Variants in DNM1 observed in about 807,000 individuals in gnomAD.
DNM1 encodes dynamin 1, also known as dynamin-1.
A neutral mutation model predicts 104.6 loss-of-function variants in DNM1; 29 were observed. The ratio of observed to expected loss-of-function variants is 0.28; its 90% confidence interval spans 0.21 to 0.38. The LOEUF is 0.38. Among genes scored for constraint, DNM1 ranks in the 10% least tolerant of loss-of-function variants. The probability of loss-of-function intolerance (pLI) is 1.00; values close to 1 mark genes in which losing one functional copy is unlikely to be tolerated. For synonymous variants in DNM1, 445 were observed against 475.8 expected (o/e 0.94, Z 0.84); for missense variants, 640 against 1,189.4 (o/e 0.54, Z 6.79).
intron 1 of DNM1, among the ~76,000 whole-genome samples, chr9:128,217,448 C>T (rs1834680297): frequency 6.6e-6 from 1 of 152,086 alleles, no homozygotes; most frequent in Non-Finnish European, 1.5e-5. Flanking sequence ...TGGAGTTTTG[C>T]TCTTGTCGCC....
rs1305951708 is a variant in DNM1 at position 128,224,418 on chromosome 9, C to CCGCCT, written c.1335+31_1335+35dup. ...ACCCGGAGGCCCGGGCCAGCCCCCA[C>CCGCCT]CGCCTCTGCCCCGCCCTGCACTGCT... On this transcript the variant is annotated intron_variant, in intron 10 of 21. Transcript: ENST00000372923. This position sits in a 1 kb window ranked among gnomAD's most constrained non-coding sequence, Gnocchi z 4.3. 6.9e-6 allele frequency: 11 copies of CCGCCT among 1,596,322 alleles called. No homozygotes were observed. Among genetic ancestry groups the CCGCCT allele is most frequent in the Non-Finnish European group, 9.4e-6 (11 of 1,169,498 alleles).
At position 128,203,399 on chromosome 9, in the gene DNM1, G is replaced by A; in HGVS notation, c.-72G>A. On this transcript the variant is annotated 5_prime_UTR_variant, in exon 1 of 22. Transcript: ENST00000372923. This position sits in a 1 kb window ranked among gnomAD's most constrained non-coding sequence, Gnocchi z 5.3. ...CAGGCAGTCTGGGCGCGCGGCTGCA[G>A]CGGCGGAGCCGGAGTCGGAGCCGGG... is the stretch of plus-strand genomic sequence containing the variant. 7.6e-7 allele frequency: 1 copy of A among 1,320,138 alleles called. No homozygotes were observed. Among genetic ancestry groups the A allele is most frequent in the South Asian group, 1.8e-5 (1 of 54,374 alleles). The allele number at this position is 1,320,138 out of a possible 1,614,324, so 81.8% of individuals were successfully genotyped here.
At chr9:128,207,213 G>A (rs1588312764) in intron 1 of DNM1, among the ~76,000 whole-genome samples, 1 of 152,084 alleles carries the variant, frequency 6.6e-6, no homozygotes, top group East Asian at 1.9e-4. Context: ...AGCCTGAGAT[G>A]CCTGTTAGAC....
Position 128,220,204 on chromosome 9 carries a change from A to G in DNM1, c.712A>G (p.Ser238Gly). 6.2e-7 allele frequency: 1 copy of G among 1,614,132 alleles called. No homozygotes were observed. The highest frequency in any genetic ancestry group is 1.1e-5 in the South Asian group (1 of 91,076). The change falls in exon 6 of 22, where the codon AGC becomes GGC. Residue 238 changes from serine to glycine, a missense_variant. Physicochemically the swap from Ser to Gly is moderately conservative, Grantham distance 56. This residue lies in a region of DNM1 where 172 missense variants were observed against 335.3 expected (regional missense o/e 0.51). Transcript: ENST00000372923. This position sits in a 1 kb window ranked among gnomAD's most constrained non-coding sequence, Gnocchi z 5.2. ...RRGYIGVVNRSQKDIDGKKDI... is the reference protein window; with the variant it reads ...RRGYIGVVNRGQKDIDGKKDI... ...AGGCTACATTGGAGTGGTGAACCGGAGCCAGAAGGACATTGATGGCAAGAA... is the reference window on the plus strand; with the variant it reads ...AGGCTACATTGGAGTGGTGAACCGGGGCCAGAAGGACATTGATGGCAAGAA...
At chr9:128,207,136 C>T (rs986380702) in intron 1 of DNM1, among the ~76,000 whole-genome samples, 3 of 151,766 alleles carry the variant, frequency 2.0e-5, no homozygotes, top group Non-Finnish European at 4.4e-5. Context: ...TTAACAGAGT[C>T]GGGAAGAGTA....
At chr9:128,217,014 G>A (rs1302393525) in intron 1 of DNM1, among the ~76,000 whole-genome samples, 1 of 152,234 alleles carries the variant, frequency 6.6e-6, no homozygotes, top group Admixed American at 6.5e-5. Context: ...GGGTGGTGCA[G>A]AGGGAGGTGG....
In DNM1 at chr9:128,250,256, A is replaced by G. The variant is rs145381151; in HGVS notation, c.2218A>G (p.Ser740Gly). Residue 740 changes from serine to glycine, a missense_variant, in exon 20 of 22, where the codon AGC becomes GGC. Ser to Gly is a moderately conservative substitution (Grantham distance 56). Transcript: ENST00000372923. Reference protein sequence around the residue: ...RMYHALKEALSIIGDINTTTV... With the variant: ...RMYHALKEALGIIGDINTTTV... ...GTACCACGCACTGAAGGAGGCGCTC[A>G]GCATCATCGGCGACATCAACACGAC... is the stretch of plus-strand genomic sequence containing the variant. 1 of 1,613,956 alleles carries G rather than the reference A, an allele frequency of 6.2e-7. No individual in the cohort carries two copies. Among genetic ancestry groups the G allele is most frequent in the African/African-American group, 1.3e-5 (1 of 75,064 alleles).
Position 128,218,974 on chromosome 9 carries a change from A to G in DNM1, c.386-75A>G, listed in dbSNP as rs1434835583. ...ACCCTGCTCCCAAGCAGCTTCTCTAACCCCGCCCTATTCTTTAACCTCGCC... is the reference window on the plus strand; with the variant it reads ...ACCCTGCTCCCAAGCAGCTTCTCTAGCCCCGCCCTATTCTTTAACCTCGCC... On this transcript the variant is annotated intron_variant, in intron 3 of 21. Coordinates refer to ENST00000372923, the MANE Select transcript of DNM1 (RefSeq NM_004408.4). This position sits in a 1 kb window ranked among gnomAD's most constrained non-coding sequence, Gnocchi z 4.8. 3 of 1,546,812 alleles carry G rather than the reference A, an allele frequency of 1.9e-6. No homozygotes were observed. The African/African-American group carries it at 4.1e-5, about 21-fold the overall frequency.
At position 128,254,801 on chromosome 9, in the gene DNM1, A is replaced by AAAGCCAGCCCCC; in HGVS notation, c.*88_*99dup. On this transcript the variant is annotated 3_prime_UTR_variant, in exon 22 of 22. Transcript: ENST00000372923. The surrounding 1 kb of genome is among the most constrained non-coding windows in gnomAD (Gnocchi z 6.1). ...ACTTGACAGTGGCTCCCCCAGCCCC[A>AAAGCCAGCCCCC]AAGCCAGCCCCCTTCATCTGTGACT... 9.4e-7 allele frequency: 1 copy of AAAGCCAGCCCCC among 1,061,964 alleles called. No individual in the cohort carries two copies. Among genetic ancestry groups the AAAGCCAGCCCCC allele is most frequent in the South Asian group, 1.3e-5 (1 of 79,290 alleles). 65.8% of individuals were successfully genotyped at this position (1,061,964 alleles called of 1,614,324 possible). A position where few individuals can be genotyped will look rare whatever the true frequency, so the allele number is the denominator to read the frequency against.
intron 10 of DNM1, among the ~76,000 whole-genome samples, chr9:128,227,779 T>G (rs1835433509): frequency 6.6e-6 from 1 of 150,770 alleles, no homozygotes; most frequent in Admixed American, 6.6e-5. Flanking sequence ...AAGTTTCAAT[T>G]TTTTTTTTTG....
At position 128,253,310 on chromosome 9, in the gene DNM1, C is replaced by T; in HGVS notation, c.2535-1344C>T. On this transcript the variant is annotated intron_variant, in intron 21 of 21. Transcript: ENST00000372923. This position sits in a 1 kb window ranked among gnomAD's most constrained non-coding sequence, Gnocchi z 5.9. ...CTTGTGCCGCTGGCTCTCTCACCTC[C>T]CTTCCCTGCGAGCCTCGGGACTCAG... is the stretch of plus-strand genomic sequence containing the variant. The T allele has an allele frequency of 1.5e-6, 1 of 645,334 alleles. No individual in the cohort carries two copies. 40.0% of individuals were successfully genotyped at this position (645,334 alleles called of 1,614,324 possible). A position where few individuals can be genotyped will look rare whatever the true frequency, so the allele number is the denominator to read the frequency against.
At chr9:128,249,300 A>G (rs531067083) in intron 19 of DNM1, among the ~76,000 whole-genome samples, 4 of 152,090 alleles carry the variant, frequency 2.6e-5, no homozygotes, top group African/African-American at 9.6e-5. Flanking sequence ...ACTTGAGCCC[A>G]GGAGTTCAAG....
At chr9:128,221,433 G>T (rs994047246) in intron 6 of DNM1, among the ~76,000 whole-genome samples, 1 of 152,150 alleles carries the variant, frequency 6.6e-6, no homozygotes, top group African/African-American at 2.4e-5. Context: ...GGAGACAATG[G>T]TGATCAGACC....
At chr9:128,225,755 G>A (rs926514161) in intron 10 of DNM1, among the ~76,000 whole-genome samples, 1 of 152,066 alleles carries the variant, frequency 6.6e-6, no homozygotes, top group Non-Finnish European at 1.5e-5. Flanking sequence ...CGGAGCAGGG[G>A]CTTGGTCCCT....
At chr9:128,246,195 C>T (rs1236664420) in intron 15 of DNM1, among the ~76,000 whole-genome samples, 199 bp from the exon 16 acceptor site, 1 of 152,180 alleles carries the variant, frequency 6.6e-6, no homozygotes, top group Non-Finnish European at 1.5e-5. Flanking sequence ...ATATGCAGAG[C>T]TGGTAGGACT....
rs1444034132 is a variant in DNM1, at chr9:128,224,646, C to T, written c.1335+257C>T. Among the ~76,000 whole-genome samples, 1 of 152,098 alleles carries T rather than the reference C, an allele frequency of 6.6e-6. No individual in the cohort carries two copies. The highest frequency in any genetic ancestry group is 6.5e-5 in the Admixed American group (1 of 15,286). On this transcript the variant is annotated intron_variant, in intron 10 of 21. Transcript: ENST00000372923. This position sits in a 1 kb window ranked among gnomAD's most constrained non-coding sequence, Gnocchi z 4.3. The stretch of plus-strand genomic sequence containing the variant: ...ATGGCTGGCTGTTTACCCCAAGAGC[C>T]CACCAAGAGCTCCCCCAGCTCAGAG...
At chr9:128,241,630 A>G (rs1836369955) in intron 14 of DNM1, among the ~76,000 whole-genome samples, 1 of 152,168 alleles carries the variant, frequency 6.6e-6, no homozygotes, top group Non-Finnish European at 1.5e-5. Context: ...ATAATCACAC[A>G]CACGCACGTA....
chr9:128,244,091 G>A (rs1836589885), intron 15 of DNM1, among the ~76,000 whole-genome samples: 1 of 151,634 alleles, frequency 6.6e-6, no homozygotes, highest in Non-Finnish European at 1.5e-5. Context: ...CCTGGGGAGT[G>A]ACTCTGGGCA....
intron 1 of DNM1, among the ~76,000 whole-genome samples, chr9:128,213,226 C>T (rs920927706): frequency 2.3e-4 from 35 of 151,996 alleles, no homozygotes; most frequent in African/African-American, 7.5e-4. Flanking sequence ...GGACTACAGG[C>T]GCACGCCACC....
Sources: allele counts gnomAD v4.1 joint callset (sites outside exome capture counted in the v4.1 genomes callset), GRCh38; gene constraint gnomAD v4.1.1; regional missense constraint gnomAD v4.1.1; non-coding constraint Gnocchi (gnomAD v3.1); transcripts MANE v1.5; gene names NCBI Gene and HGNC (gene_info 2026-07-23, HGNC 2026-07-21).